FSTL5: variants seen among roughly 807,000 people sequenced by gnomAD.
The protein encoded by FSTL5 is follistatin-related protein 5.
FSTL5 carries 62 observed loss-of-function variants against 89.1 expected under a neutral mutation model. That is an observed-to-expected ratio of 0.70 (90% confidence interval 0.57 to 0.86). The LOEUF (loss-of-function observed/expected upper bound fraction) is 0.86. FSTL5 is among the 40% of genes least tolerant of loss of function. The pLI, the probability that FSTL5 is intolerant of heterozygous loss-of-function variation, is 0.00. For missense variants in FSTL5, 1,057 were observed against 1,001.6 expected (o/e 1.06, Z -0.75); for synonymous variants, 383 against 346.2 (o/e 1.11, Z -1.18).
At chr4:161,465,294 G>A (rs1733713836) in intron 13 of FSTL5, among the ~76,000 whole-genome samples, 1 of 151,926 alleles carries the variant, frequency 6.6e-6, no homozygotes, top group African/African-American at 2.4e-5. Context: ...GAGACCATTG[G>A]TGTGCACATT....
At chr4:161,519,421 G>C (rs1374560360) in intron 10 of FSTL5, among the ~76,000 whole-genome samples, 43 of 152,110 alleles carry the variant, frequency 2.8e-4, no homozygotes, top group Non-Finnish European at 5.9e-4. Context: ...CGCTACTCGG[G>C]GGGCTGAGGC....
At chr4:162,153,176 C>T (rs1733297964) in intron 1 of FSTL5, among the ~76,000 whole-genome samples, 1 of 152,052 alleles carries the variant, frequency 6.6e-6, no homozygotes, top group Admixed American at 6.6e-5. Context: ...GGATGATAAA[C>T]TCTTTGTTAA....
intron 3 of FSTL5, among the ~76,000 whole-genome samples, chr4:161,950,784 C>A (rs542168399): frequency 1.2e-3 from 188 of 152,046 alleles, no homozygotes; most frequent in African/African-American, 4.4e-3. Context: ...TGGCTACAGC[C>A]CAGGTTATTC....
intron 3 of FSTL5, among the ~76,000 whole-genome samples, chr4:161,955,037 A>C (rs1162301661): frequency 7.6e-6 from 1 of 131,538 alleles, no homozygotes; most frequent in African/African-American, 2.5e-5. Flanking sequence ...ATTTAAAACA[A>C]TAAATTGTAC....
chr4:161,450,621 A>G (rs1419366342), intron 15 of FSTL5, among the ~76,000 whole-genome samples: 1 of 152,236 alleles, frequency 6.6e-6, no homozygotes, highest in African/African-American at 2.4e-5. Flanking sequence ...GATACAAATT[A>G]CACATAGAAT....
chr4:161,860,263 A>G (rs6851764), intron 4 of FSTL5, among the ~76,000 whole-genome samples: 109,068 of 151,866 alleles, frequency 0.72, 39,446 homozygotes, highest in Non-Finnish European at 0.76. Flanking sequence ...ACTCCAGCCT[A>G]GGCGACAGAG....
chr4:161,870,479 T>A (rs1732230097), intron 4 of FSTL5, among the ~76,000 whole-genome samples: 1 of 152,148 alleles, frequency 6.6e-6, no homozygotes, highest in African/African-American at 2.4e-5. Context: ...TGGCTTCTAA[T>A]CTTGACCCTG....
chr4:161,695,532 TG>T (rs1738124071), intron 6 of FSTL5, among the ~76,000 whole-genome samples: 2 of 151,890 alleles, frequency 1.3e-5, no homozygotes, highest in South Asian at 4.2e-4. Flanking sequence ...GATGGGCACT[TG>T]GGTTGGTTCC....
At chr4:161,748,012 A>T (rs1167532122) in intron 6 of FSTL5, among the ~76,000 whole-genome samples, 1 of 152,164 alleles carries the variant, frequency 6.6e-6, no homozygotes. Flanking sequence ...TATAAATTTA[A>T]AAAGAATGTA....
chr4:161,681,037 G>T (rs778466403), intron 6 of FSTL5, among the ~76,000 whole-genome samples: 5 of 151,978 alleles, frequency 3.3e-5, no homozygotes, highest in Non-Finnish European at 7.4e-5. Flanking sequence ...CAGAGTCAAA[G>T]CAAAAGTTCC....
intron 8 of FSTL5, among the ~76,000 whole-genome samples, chr4:161,578,050 T>A (rs1173941025): frequency 6.6e-6 from 1 of 152,020 alleles, no homozygotes; most frequent in Non-Finnish European, 1.5e-5. Context: ...GGCAAATCTA[T>A]CCTCTCAACA....
At chr4:161,590,048 G>A (rs1733756042) in intron 7 of FSTL5, among the ~76,000 whole-genome samples, 1 of 152,056 alleles carries the variant, frequency 6.6e-6, no homozygotes, top group South Asian at 2.1e-4. Flanking sequence ...CACTAAGAGT[G>A]AATCCCAACA....
chr4:161,661,582 A>G (rs949124879), intron 6 of FSTL5, among the ~76,000 whole-genome samples: 3 of 152,168 alleles, frequency 2.0e-5, no homozygotes, highest in African/African-American at 7.2e-5. Context: ...TTAACTAACA[A>G]GGAAATTCTG....
intron 6 of FSTL5, among the ~76,000 whole-genome samples, chr4:161,693,950 T>G (rs890750626): frequency 2.0e-5 from 3 of 152,182 alleles, no homozygotes; most frequent in African/African-American, 7.2e-5. Flanking sequence ...CTTGTAATTC[T>G]TTTAATCTGT....
rs527630199 is a variant in FSTL5, at chr4:162,030,526, C to A, written c.160+3099G>T. 1.6e-4 allele frequency among the ~76,000 whole-genome samples: 25 copies of A among 151,988 alleles called. No homozygotes were observed. In the South Asian group the frequency reaches 4.8e-3, roughly 29 times the overall value. ...TCTGAATGCATAAAGGCAAGAGTGT[C>A]CACTTGAAAAAACAGGAGGAGAAAA... On this transcript the variant is annotated intron_variant, in intron 3 of 15. Transcript: ENST00000306100.
At chr4:161,516,665 C>G (rs1730845694) in intron 10 of FSTL5, among the ~76,000 whole-genome samples, 1 of 129,982 alleles carries the variant, frequency 7.7e-6, no homozygotes, top group African/African-American at 2.9e-5. Context: ...ATTATATATA[C>G]ACACACTAAG....
intron 12 of FSTL5, among the ~76,000 whole-genome samples, chr4:161,486,006 C>T (rs542069368): frequency 2.0e-5 from 3 of 151,752 alleles, no homozygotes; most frequent in South Asian, 2.1e-4. Flanking sequence ...TAGCCAGGCA[C>T]GGTGGTGCAC....
chr4:162,019,748 C>T (rs1737016725), intron 3 of FSTL5, among the ~76,000 whole-genome samples: 1 of 143,312 alleles, frequency 7.0e-6, no homozygotes, highest in Admixed American at 7.1e-5. Flanking sequence ...CTCTCTCTCT[C>T]TCTCTTTCTC....
chr4:162,142,748 C>G (rs911856407), intron 1 of FSTL5, among the ~76,000 whole-genome samples: 5 of 152,074 alleles, frequency 3.3e-5, no homozygotes, highest in Non-Finnish European at 7.4e-5. Flanking sequence ...GATGACAGAA[C>G]AAGCATTCTC....
Sources: allele counts gnomAD v4.1 joint callset (sites outside exome capture counted in the v4.1 genomes callset), GRCh38; gene constraint gnomAD v4.1.1; transcripts MANE v1.5; gene names NCBI Gene and HGNC (gene_info 2026-07-23, HGNC 2026-07-21).